The following NEURL1 variants were observed in gnomAD, a reference collection of about 807,000 sequenced individuals.
The protein encoded by NEURL1 is E3 ubiquitin-protein ligase NEURL1.
In NEURL1, 26 loss-of-function variants were observed where a neutral mutation model predicts 41.2. The observed-to-expected ratio is 0.63, with a 90% confidence interval of 0.46 to 0.87. The LOEUF is 0.87. Among genes scored for constraint, NEURL1 ranks in the 40% least tolerant of loss-of-function variants. The pLI is 0.00. For missense variants in NEURL1, 761 were observed against 871.1 expected, an observed-to-expected ratio of 0.87 and a Z score of 1.59; for synonymous variants, 400 against 402.3, an observed-to-expected ratio of 0.99 and a Z score of 0.07.
intron 4 of NEURL1, 97 bp from the exon 5 acceptor site, chr10:103,589,417 G>T: frequency 7.3e-7 from 1 of 1,369,460 alleles, no homozygotes; most frequent in Non-Finnish European, 9.8e-7. Flanking sequence ...GCTGGGCTGT[G>T]TGGTCAGGCC....
chr10:103,496,318 T>G (rs368523113), intron 1 of NEURL1, among the ~76,000 whole-genome samples: 2 of 152,192 alleles, frequency 1.3e-5, no homozygotes, highest in East Asian at 3.8e-4. Context: ...TACAATTATA[T>G]TTGTGAAGAA....
chr10:103,540,625 TACCATC>T (rs2034801796), intron 1 of NEURL1, among the ~76,000 whole-genome samples: 1 of 152,210 alleles, frequency 6.6e-6, no homozygotes, highest in Admixed American at 6.5e-5. Flanking sequence ...TTTTCTCCAG[TACCATC>T]ACCATCTTCA....
intron 1 of NEURL1, among the ~76,000 whole-genome samples, chr10:103,544,082 C>G (rs1273672128): frequency 1.3e-5 from 2 of 152,138 alleles, no homozygotes; most frequent in African/African-American, 4.8e-5. Flanking sequence ...CCTGGCAGCC[C>G]TGCAGAGGGG....
chr10:103,589,634 C>T lies in NEURL1; in HGVS notation c.1460C>T (p.Ser487Phe). 3.1e-6 allele frequency: 5 copies of T among 1,613,154 alleles called. No homozygotes were observed. The highest frequency in any genetic ancestry group is 4.2e-6 in the Non-Finnish European group (5 of 1,179,498). ...LSDPLLSTCS[S>F]GPLGSSAGGT... Reference sequence around the variant, plus strand: ...GACCCCTTGCTCAGCACGTGCAGCTCTGGCCCTCTGGGTAGCTCTGCTGGT... The same window carrying T: ...GACCCCTTGCTCAGCACGTGCAGCTTTGGCCCTCTGGGTAGCTCTGCTGGT... The change falls in exon 5 of 6, where the codon TCT becomes TTT. Residue 487 changes from serine to phenylalanine, a missense_variant. Physicochemically the swap from Ser to Phe is radical, Grantham distance 155. Around this residue, in one of 5 missense-constraint regions of NEURL1, gnomAD observed 443 missense variants for 408.1 expected, o/e 1.09. Transcript: ENST00000369780.
chr10:103,587,681 A>T (rs972626563), intron 4 of NEURL1, among the ~76,000 whole-genome samples: 31 of 152,266 alleles, frequency 2.0e-4, no homozygotes, highest in African/African-American at 7.5e-4. Context: ...TTATTGGTGA[A>T]ACATCAGAAA....
intron 1 of NEURL1, among the ~76,000 whole-genome samples, chr10:103,523,438 A>G (rs1301045402): frequency 3.9e-5 from 6 of 152,060 alleles, no homozygotes. Flanking sequence ...CCTGGGTGAC[A>G]TAACAAGACC....
chr10:103,565,841 A>C (rs1457800012), intron 1 of NEURL1, among the ~76,000 whole-genome samples: 1 of 151,998 alleles, frequency 6.6e-6, no homozygotes, highest in East Asian at 1.9e-4. Context: ...TTTGTAGAGA[A>C]GGGGTTTTGC....
intron 4 of NEURL1, among the ~76,000 whole-genome samples, chr10:103,588,119 A>G (rs539956055): frequency 9.9e-5 from 15 of 152,084 alleles, no homozygotes; most frequent in Admixed American, 3.3e-4. Context: ...CCTGGTTAAC[A>G]TGATGAAACC....
At chr10:103,499,784 C>T (rs534452354) in intron 1 of NEURL1, among the ~76,000 whole-genome samples, 6 of 150,624 alleles carry the variant, frequency 4.0e-5, no homozygotes, top group African/African-American at 1.2e-4. Context: ...TTCACATTCT[C>T]GCTGCTACTT....
At chr10:103,526,639 G>T (rs748908926) in intron 1 of NEURL1, among the ~76,000 whole-genome samples, 15 of 152,058 alleles carry the variant, frequency 9.9e-5, no homozygotes, top group Non-Finnish European at 1.6e-4. Flanking sequence ...AGCCTCCCAA[G>T]GAGCTGGGAT....
intron 1 of NEURL1, among the ~76,000 whole-genome samples, chr10:103,557,871 A>ATCTTT (rs539843351): frequency 1.3e-5 from 2 of 151,966 alleles, no homozygotes; most frequent in East Asian, 1.9e-4. Context: ...TGATTGTATT[A>ATCTTT]TCTTTTCTTT....
chr10:103,550,893 T>C (rs1191471528), intron 1 of NEURL1: 1 of 152,242 alleles, frequency 6.6e-6, no homozygotes, highest in African/African-American at 2.4e-5. Context: ...AGTTTTGGGA[T>C]TGGCTGATAC....
chr10:103,527,353 G>C (rs1362247851), intron 1 of NEURL1, among the ~76,000 whole-genome samples: 2 of 144,690 alleles, frequency 1.4e-5, no homozygotes, highest in Non-Finnish European at 3.0e-5. Flanking sequence ...GGAGTGCCCT[G>C]ACACAATCTT....
At chr10:103,510,010 A>G (rs1458045669) in intron 1 of NEURL1, among the ~76,000 whole-genome samples, 1 of 152,002 alleles carries the variant, frequency 6.6e-6, no homozygotes, top group Non-Finnish European at 1.5e-5. Flanking sequence ...GTGGGGTTTG[A>G]TGATCAGGGT....
At chr10:103,541,257 A>C (rs895979874) in intron 1 of NEURL1, among the ~76,000 whole-genome samples, 1 of 152,176 alleles carries the variant, frequency 6.6e-6, no homozygotes, top group Non-Finnish European at 1.5e-5. Flanking sequence ...TTAAACATAC[A>C]TACATACATG....
At chr10:103,513,999 C>T (rs957931891) in intron 1 of NEURL1, among the ~76,000 whole-genome samples, 6 of 152,082 alleles carry the variant, frequency 3.9e-5, no homozygotes, top group African/African-American at 1.4e-4. Context: ...GCCTTGGTTT[C>T]CCCCATCTGT....
chr10:103,562,015 A>G (rs991264344), intron 1 of NEURL1, among the ~76,000 whole-genome samples: 1 of 152,210 alleles, frequency 6.6e-6, no homozygotes, highest in Non-Finnish European at 1.5e-5. Flanking sequence ...AGAATCAAAC[A>G]CTAGCAATTC....
intron 1 of NEURL1, among the ~76,000 whole-genome samples, chr10:103,548,132 T>C (rs55928628): frequency 0.34 from 51,674 of 151,992 alleles, 8,984 homozygotes; most frequent in South Asian, 0.41. Flanking sequence ...AACCAGGTGA[T>C]AAGGGACTGT....
At chr10:103,585,354 A>G (rs1394925622) in intron 4 of NEURL1, 129 bp downstream of exon 4, 1 of 862,806 alleles carries the variant, frequency 1.2e-6, no homozygotes, top group Non-Finnish European at 1.7e-6. Context: ...ACAGACACCT[A>G]AGGTGAGTTC....
Sources: gnomAD v4.1 joint callset for allele counts (sites outside exome capture counted in the v4.1 genomes callset) on GRCh38, gnomAD v4.1.1 for gene constraint, gnomAD v4.1.1 regional missense constraint, MANE v1.5 for transcripts, NCBI Gene and HGNC (gene_info 2026-07-23, HGNC 2026-07-21) for gene names.